The following PPM1K variants were observed in gnomAD, a reference collection of about 807,000 sequenced individuals.
PPM1K encodes protein phosphatase Mn(2+)-dependent 1K.
Under a neutral mutation model 32.6 loss-of-function variants are expected in PPM1K, and 19 were observed. That is an observed-to-expected ratio of 0.58 (90% CI 0.41 to 0.86). The LOEUF is 0.86. Among genes scored for constraint, PPM1K ranks in the 40% least tolerant of loss-of-function variants. The pLI is 0.00. For synonymous variants in PPM1K, 159 were observed against 165.3 expected (o/e 0.96, Z 0.29); for missense variants, 362 against 461.2 (o/e 0.78, Z 1.97).
rs1731099851 is a variant in PPM1K at position 88,261,113 on chromosome 4, GT to G, written c.*1481del. 1 of 152,130 alleles carries G rather than the reference GT, an allele frequency of 6.6e-6. No individual in the cohort carries two copies. The highest frequency in any genetic ancestry group is 2.1e-4 in the South Asian group (1 of 4,830). The allele number at this position is 152,130 out of a possible 1,614,324, so 9.4% of individuals were successfully genotyped here. ...CTCACACATATAACAAATTTACATA[GT>G]TTGCAGAAATAAACTACGGAAATAA... is the stretch of plus-strand genomic sequence containing the variant. On this transcript the variant is annotated 3_prime_UTR_variant, in exon 7 of 7. Coordinates refer to ENST00000608933, the MANE Select transcript of PPM1K (RefSeq NM_152542.5).
intron 3 of PPM1K, chr4:88,271,297 A>T (rs1305740341): frequency 4.5e-6 from 1 of 224,294 alleles, no homozygotes; most frequent in African/African-American, 2.3e-5. Context: ...GCTGCAAAAT[A>T]AGGGAAGGGT....
In PPM1K at chr4:88,268,393, A is replaced by C. The variant is rs188321985; in HGVS notation, c.708-59T>G. On this transcript the variant is annotated intron_variant, in intron 4 of 6. Transcript: ENST00000608933. ...TAGAAAACCCTTTGGGAGGCCAAGG[A>C]GGGCAGATCACGAGGTCAGGAGATC... The C allele has an allele frequency of 4.8e-4, 767 of 1,584,700 alleles. 2 individuals carry two copies. In the African/African-American group the frequency reaches 6.3e-3, roughly 13 times the overall value.
rs1329454485 is a variant in PPM1K at position 88,259,608 on chromosome 4, AG to A, written c.*2986del. 6.6e-6 allele frequency: 1 copy of A among 152,204 alleles called. No homozygotes were observed. The highest frequency in any genetic ancestry group is 1.5e-5 in the Non-Finnish European group (1 of 68,050). The allele number at this position is 152,204 out of a possible 1,614,324, so 9.4% of individuals were successfully genotyped here. On this transcript the variant is annotated 3_prime_UTR_variant, in exon 7 of 7. Coordinates refer to ENST00000608933, the MANE Select transcript of PPM1K (RefSeq NM_152542.5). ...TTTTACTATGATTTGCATATTTTCC[AG>A]TATCCTAATACATGCATACTTATCT...
chr4:88,265,194 G>A (rs753690205), intron 5 of PPM1K, 59 bp from the exon 6 acceptor site: 11 of 1,593,366 alleles, frequency 6.9e-6, no homozygotes, highest in Admixed American at 3.4e-5. Context: ...GCACAATCTC[G>A]CTAATTCAAA....
At chr4:88,267,302 G>A (rs891701139) in intron 5 of PPM1K, among the ~76,000 whole-genome samples, 1 of 151,652 alleles carries the variant, frequency 6.6e-6, no homozygotes. Flanking sequence ...CTGACTGGGT[G>A]CAGGTGATGC....
chr4:88,262,433 G>T lies in PPM1K; in HGVS notation c.*162C>A. ...ATATTTATACTGAACATGTACAGCGGAACATAAATATGATGAGCATTTATG... is the reference window on the plus strand; with the variant it reads ...ATATTTATACTGAACATGTACAGCGTAACATAAATATGATGAGCATTTATG... On this transcript the variant is annotated 3_prime_UTR_variant, in exon 7 of 7. Coordinates refer to ENST00000608933, the MANE Select transcript of PPM1K (RefSeq NM_152542.5). 2 of 676,060 alleles carry T rather than the reference G, an allele frequency of 3.0e-6. No individual in the cohort carries two copies. Among genetic ancestry groups the T allele is most frequent in the Non-Finnish European group, 4.8e-6 (2 of 413,290 alleles). The allele number at this position is 676,060 out of a possible 1,614,324, so 41.9% of individuals were successfully genotyped here.
chr4:88,280,197 T>C (rs558646160), intron 1 of PPM1K, among the ~76,000 whole-genome samples: 2 of 152,254 alleles, frequency 1.3e-5, no homozygotes, highest in African/African-American at 4.8e-5. Flanking sequence ...CACCTCAGCC[T>C]CCCAAAGTAT....
At chr4:88,264,591 C>T (rs1404328137) in intron 6 of PPM1K, among the ~76,000 whole-genome samples, 2 of 152,160 alleles carry the variant, frequency 1.3e-5, no homozygotes, top group Non-Finnish European at 1.5e-5. Flanking sequence ...AACTCTGTAG[C>T]CTCTGTACCT....
intron 3 of PPM1K, among the ~76,000 whole-genome samples, chr4:88,273,847 T>A (rs1731659600): frequency 6.6e-6 from 1 of 152,068 alleles, no homozygotes; most frequent in Non-Finnish European, 1.5e-5. Context: ...GTGGCCAGAT[T>A]CTTGAATGCT....
At chr4:88,282,244 T>C (rs1732044407) in intron 1 of PPM1K, among the ~76,000 whole-genome samples, 1 of 152,236 alleles carries the variant, frequency 6.6e-6, no homozygotes, top group Non-Finnish European at 1.5e-5. Context: ...GCACTTTCTC[T>C]GGCAGGAAGG....
intron 5 of PPM1K, among the ~76,000 whole-genome samples, chr4:88,266,029 T>C (rs1731289142): frequency 6.6e-6 from 1 of 152,206 alleles, no homozygotes; most frequent in Admixed American, 6.5e-5. Flanking sequence ...AGTACTTATT[T>C]TGAACAGAGC....
At position 88,278,151 on chromosome 4, in the gene PPM1K, A is replaced by G; in HGVS notation, c.433T>C (p.Cys145Arg). The G allele has an allele frequency of 6.2e-7, 1 of 1,613,026 alleles. No homozygotes were observed. The change falls in exon 2 of 7, where the codon TGT becomes CGT. Residue 145 changes from cysteine (C) to arginine (R), a missense_variant. Physicochemically the swap from Cys to Arg is radical, Grantham distance 180. Transcript: ENST00000608933. This position sits in a 1 kb window ranked among gnomAD's most constrained non-coding sequence, Gnocchi z 4.2. ...ADFCHTHMEK[C>R]IMDLLPKEKN... ...GAAAGTCATTGTACATACATAATACATTTCTCCATGTGGGTATGACAGAAA... is the reference window on the plus strand; with the variant it reads ...GAAAGTCATTGTACATACATAATACGTTTCTCCATGTGGGTATGACAGAAA...
chr4:88,268,587 C>T (rs1374458230), intron 4 of PPM1K, among the ~76,000 whole-genome samples, 154 bp downstream of exon 4: 4 of 152,154 alleles, frequency 2.6e-5, no homozygotes, highest in African/African-American at 9.7e-5. Context: ...CGCCACTGCA[C>T]TCCAGCCTGG....
In PPM1K at chr4:88,278,895, C is replaced by G. The variant is rs1731902578; in HGVS notation, c.-59-253G>C. ...AATGAATCGATTTTCCTACCGCATT[C>G]ACAGCATTTAAATTCTATAAAAATT... On this transcript the variant is annotated intron_variant, in intron 1 of 6. Transcript: ENST00000608933. This position sits in a 1 kb window ranked among gnomAD's most constrained non-coding sequence, Gnocchi z 4.2. The G allele has an allele frequency of 1.0e-5, 3 of 301,282 alleles. No homozygotes were observed. In the Admixed American group the frequency reaches 1.5e-4, roughly 15 times the overall value. The allele number at this position is 301,282 out of a possible 1,614,324, so 18.7% of individuals were successfully genotyped here.
rs912669912 is a variant in PPM1K, at chr4:88,262,495, G to A, written c.*100C>T. 144 of 1,332,166 alleles carry A rather than the reference G, an allele frequency of 1.1e-4. No individual in the cohort carries two copies. Among genetic ancestry groups the A allele is most frequent in the African/African-American group, 1.6e-4 (11 of 68,220 alleles). 82.5% of individuals were successfully genotyped at this position (1,332,166 alleles called of 1,614,324 possible). ...ATCTAAGTGGTTTACACTGACTTGT[G>A]CGCTGATCTAGTGAGTTAGGAGACC... On this transcript the variant is annotated 3_prime_UTR_variant, in exon 7 of 7. Coordinates refer to ENST00000608933, the MANE Select transcript of PPM1K (RefSeq NM_152542.5).
chr4:88,279,085 T>C lies in PPM1K; in HGVS notation c.-59-443A>G, dbSNP rs115985294. On this transcript the variant is annotated intron_variant, in intron 1 of 6. Coordinates refer to ENST00000608933, the MANE Select transcript of PPM1K (RefSeq NM_152542.5). ...GCTGGTCCCCAAGTTACACTTCTAG[T>C]AGCAAGAACACAGAATACAGGTATA... 1.6e-3 allele frequency: 247 copies of C among 156,910 alleles called. 1 individual carries two copies. The highest frequency in any genetic ancestry group is 2.9e-3 in the Non-Finnish European group (207 of 71,078). The allele number at this position is 156,910 out of a possible 1,614,324, so 9.7% of individuals were successfully genotyped here. A position where few individuals can be genotyped will look rare whatever the true frequency, so the allele number is the denominator to read the frequency against.
chr4:88,268,390 A>G, intron 4 of PPM1K, 56 bp from the exon 5 acceptor site: 1 of 1,590,894 alleles, frequency 6.3e-7, no homozygotes, highest in Admixed American at 1.7e-5. Flanking sequence ...TGGGAGGCCA[A>G]GGAGGGCAGA....
At position 88,278,138 on chromosome 4, in the gene PPM1K, A is replaced by G; in HGVS notation, c.440+6T>C. 2 of 1,608,676 alleles carry G rather than the reference A, an allele frequency of 1.2e-6. No individual in the cohort carries two copies. Among genetic ancestry groups the G allele is most frequent in the Non-Finnish European group, 1.7e-6 (2 of 1,175,834 alleles). On this transcript the variant is annotated splice_donor_region_variant and intron_variant, in intron 2 of 6. Transcript: ENST00000608933. The surrounding 1 kb of genome is among the most constrained non-coding windows in gnomAD (Gnocchi z 4.2). ...CAAAGTCAGGAGTGAAAGTCATTGT[A>G]CATACATAATACATTTCTCCATGTG... is the stretch of plus-strand genomic sequence containing the variant.
chr4:88,270,578 A>G (rs927709792), intron 3 of PPM1K, among the ~76,000 whole-genome samples: 24 of 152,374 alleles, frequency 1.6e-4, no homozygotes, highest in African/African-American at 5.8e-4. Flanking sequence ...AAAGAGCCAG[A>G]TAAGGGAACA....
Sources: allele counts gnomAD v4.1 joint callset (sites outside exome capture counted in the v4.1 genomes callset), GRCh38; gene constraint gnomAD v4.1.1; non-coding constraint Gnocchi (gnomAD v3.1); transcripts MANE v1.5; gene names NCBI Gene and HGNC (gene_info 2026-07-23, HGNC 2026-07-21).